The following ABI3BP variants were observed in gnomAD, a reference collection of about 807,000 sequenced individuals.
ABI3BP encodes the protein target of Nesh-SH3.
In ABI3BP, 216 loss-of-function variants were observed where a neutral mutation model predicts 268.6. That is an observed-to-expected ratio of 0.80 (90% CI 0.72 to 0.90). ABI3BP has a LOEUF of 0.90. Among genes scored for constraint, ABI3BP ranks in the 40% least tolerant of loss-of-function variants. The probability of loss-of-function intolerance (pLI) is 0.00; values close to 1 mark genes in which losing one functional copy is unlikely to be tolerated. For synonymous variants in ABI3BP, 730 were observed against 730.0 expected, an observed-to-expected ratio of 1.00 and a Z score of 0.00; for missense variants, 2,090 against 2,182.4, an observed-to-expected ratio of 0.96 and a Z score of 0.84.
At position 100,751,747 on chromosome 3, in the gene ABI3BP, T is replaced by C. The variant is rs1023502342; in HGVS notation, c.5123-73A>G. 4.2e-6 allele frequency: 6 copies of C among 1,422,598 alleles called. No homozygotes were observed. The Admixed American group carries it at 1.1e-4, about 27-fold the overall frequency. 88.1% of individuals were successfully genotyped at this position (1,422,598 alleles called of 1,614,324 possible). On this transcript the variant is annotated intron_variant, in intron 66 of 67. Coordinates refer to ENST00000471714, the MANE Select transcript of ABI3BP (RefSeq NM_001375547.2). ...AATGTGACAATTTTGAAATCATCAT[T>C]ACTGTTTTTGTACTTTCTCCCCTCA...
At chr3:100,878,113 T>C (rs890518884) in intron 6 of ABI3BP, among the ~76,000 whole-genome samples, 3 of 152,210 alleles carry the variant, frequency 2.0e-5, no homozygotes, top group Non-Finnish European at 4.4e-5. Flanking sequence ...TCAAAGACAG[T>C]GTTTATTATC....
rs577673734 is a variant in ABI3BP at position 100,866,833 on chromosome 3, A to T, written c.988+46T>A. On this transcript the variant is annotated intron_variant, in intron 10 of 67. Transcript: ENST00000471714. ...GACTGCAGATTAGTATTTGAAAAAA[A>T]GCATTTTTTCTTTTCTCAAGGTCAA... The T allele has an allele frequency of 5.4e-5, 82 of 1,520,294 alleles. No homozygotes were observed. In the South Asian group the frequency reaches 9.1e-4, roughly 17 times the overall value. The allele number at this position is 1,520,294 out of a possible 1,614,324, so 94.2% of individuals were successfully genotyped here.
intron 62 of ABI3BP, among the ~76,000 whole-genome samples, chr3:100,767,494 A>G (rs1022666339): frequency 2.0e-5 from 3 of 152,080 alleles, no homozygotes; most frequent in Non-Finnish European, 4.4e-5. Flanking sequence ...AGGAAGGGAG[A>G]GAATTCTGAA....
chr3:100,831,145 C>T (rs985649531), intron 31 of ABI3BP, among the ~76,000 whole-genome samples: 5 of 152,078 alleles, frequency 3.3e-5, no homozygotes, highest in Non-Finnish European at 5.9e-5. Context: ...CATCTCTTCC[C>T]CTTGAGTGTG....
chr3:100,985,736 T>C (rs950532332), intron 1 of ABI3BP, among the ~76,000 whole-genome samples: 1 of 152,216 alleles, frequency 6.6e-6, no homozygotes, highest in African/African-American at 2.4e-5. Flanking sequence ...ACTCTTAAGA[T>C]ATTTATCTCA....
chr3:100,932,361 G>A (rs2576378), intron 1 of ABI3BP, among the ~76,000 whole-genome samples: 150,842 of 152,238 alleles, frequency 0.99, 74,741 homozygotes, highest in East Asian at 1. Context: ...ATTAAACTAA[G>A]GAGCTTCTGC....
At chr3:100,837,624 G>A (rs1220737178) in intron 26 of ABI3BP, among the ~76,000 whole-genome samples, 2 of 152,160 alleles carry the variant, frequency 1.3e-5, no homozygotes, top group Non-Finnish European at 2.9e-5. Context: ...TGGTGTGGTG[G>A]TGGGTGCCTG....
rs1297368272 is a variant in ABI3BP, at chr3:100,803,161, C to A, written c.3757+1631G>T. Among the ~76,000 whole-genome samples the A allele has an allele frequency of 3.4e-5, 5 of 146,012 alleles. No homozygotes were observed. The East Asian group carries it at 9.7e-4, about 28-fold the overall frequency. On this transcript the variant is annotated intron_variant, in intron 51 of 67. Coordinates refer to ENST00000471714, the MANE Select transcript of ABI3BP (RefSeq NM_001375547.2). ...GGTGACAGAAGACCACTAAGAGAGA[C>A]CCTAGTTCTCCAGGAGGCAGTTCTC...
intron 2 of ABI3BP, among the ~76,000 whole-genome samples, chr3:100,904,777 A>T (rs1374927713): frequency 6.6e-6 from 1 of 152,184 alleles, no homozygotes; most frequent in Non-Finnish European, 1.5e-5. Context: ...GCTGGAGAGG[A>T]TGTGGAGAAA....
At position 100,838,446 on chromosome 3, in the gene ABI3BP, C is replaced by A; in HGVS notation, c.1964G>T (p.Arg655Ile). The change falls in exon 25 of 68, where the codon AGA (arginine) becomes ATA (isoleucine). Residue 655 changes from arginine (R) to isoleucine (I), a missense_variant. Physicochemically the swap from Arg to Ile is moderately conservative, Grantham distance 97 (BLOSUM62 -3). Coordinates refer to ENST00000471714, the MANE Select transcript of ABI3BP (RefSeq NM_001375547.2). Reference protein sequence around the residue: ...VPTTASKPSERPKTTHRPDAP... With the variant: ...VPTTASKPSEIPKTTHRPDAP... ...ATCTGGTCTGTGTGTGGTTTTAGGT[C>A]TCTCAGATGGTTTTGAGGCTAAAGA... The A allele has an allele frequency of 2.0e-6, 3 of 1,535,668 alleles. No homozygotes were observed. In the South Asian group the frequency reaches 3.6e-5, roughly 18 times the overall value.
At chr3:100,829,451 T>C in intron 33 of ABI3BP, 130 bp downstream of exon 33, 1 of 711,504 alleles carries the variant, frequency 1.4e-6, no homozygotes, top group South Asian at 2.5e-5. Context: ...CCACGTCATC[T>C]CCCCAGCCCT....
Position 100,817,485 on chromosome 3 carries a change from T to G in ABI3BP, c.3099A>C (p.Thr1033=), listed in dbSNP as rs771773580. Residue 1033 remains threonine (T), a synonymous_variant, in exon 42 of 68, where the codon ACA becomes ACC. Transcript: ENST00000471714. The part of the protein sequence containing the change: ...TEAPKTMVVT[T]VLEPDTFRTK... ...TTCTAAAAGTGTCAGGTTCAAGGAC[T>G]GTAGTAACAACTAGACAAAAATAAT... is the stretch of plus-strand genomic sequence containing the variant. 1 of 1,499,418 alleles carries G rather than the reference T, an allele frequency of 6.7e-7. No homozygotes were observed. The highest frequency in any genetic ancestry group is 1.3e-5 in the South Asian group (1 of 78,198). 92.9% of individuals were successfully genotyped at this position (1,499,418 alleles called of 1,614,324 possible).
chr3:100,891,252 A>G (rs1270459873), intron 4 of ABI3BP, among the ~76,000 whole-genome samples: 1 of 152,184 alleles, frequency 6.6e-6, no homozygotes, highest in Non-Finnish European at 1.5e-5. Context: ...CTTTCTTCGT[A>G]TAGTATCACC....
chr3:100,943,853 TATG>T (rs977084357), intron 1 of ABI3BP, among the ~76,000 whole-genome samples: 3 of 152,146 alleles, frequency 2.0e-5, no homozygotes, highest in Non-Finnish European at 4.4e-5. Context: ...TGTTTGATTA[TATG>T]ATGATAAAAT....
chr3:100,805,393 G>C (rs1246007599), intron 50 of ABI3BP, among the ~76,000 whole-genome samples: 1 of 152,052 alleles, frequency 6.6e-6, no homozygotes, highest in African/African-American at 2.4e-5. Flanking sequence ...TCTGGCTCCA[G>C]AGAAACCTTC....
At chr3:100,965,272 C>T (rs1224555629) in intron 1 of ABI3BP, among the ~76,000 whole-genome samples, 1 of 152,072 alleles carries the variant, frequency 6.6e-6, no homozygotes, top group Non-Finnish European at 1.5e-5. Flanking sequence ...TCCCATTTGC[C>T]TCAAGGACTA....
chr3:100,913,148 A>G (rs561327663), intron 2 of ABI3BP, among the ~76,000 whole-genome samples: 79 of 152,274 alleles, frequency 5.2e-4, no homozygotes, highest in African/African-American at 1.9e-3. Context: ...CACCCCACCC[A>G]TTGTCCTATT....
At chr3:100,986,992 T>C (rs1169308698) in intron 1 of ABI3BP, among the ~76,000 whole-genome samples, 1 of 152,202 alleles carries the variant, frequency 6.6e-6, no homozygotes, top group East Asian at 1.9e-4. Flanking sequence ...TTTTAACAAA[T>C]GTATTCTTAT....
chr3:100,810,215 A>G (rs1282382549), intron 49 of ABI3BP, among the ~76,000 whole-genome samples, 197 bp downstream of exon 49: 5 of 152,074 alleles, frequency 3.3e-5, no homozygotes, highest in Non-Finnish European at 1.5e-5. Context: ...GCTGAGAGGT[A>G]TTTTTCAACC....
Sources: allele counts gnomAD v4.1 joint callset (sites outside exome capture counted in the v4.1 genomes callset), GRCh38; gene constraint gnomAD v4.1.1; transcripts MANE v1.5; gene names NCBI Gene and HGNC (gene_info 2026-07-23, HGNC 2026-07-21).